The following TRPS1 variants were observed in gnomAD, a reference collection of about 807,000 sequenced individuals.
TRPS1 encodes transcriptional repressor GATA binding 1, also known as zinc finger transcription factor Trps1.
TRPS1 carries 6 observed loss-of-function variants against 101.2 expected under a neutral mutation model. The ratio of observed to expected loss-of-function variants is 0.06; its 90% CI spans 0.03 to 0.12. The LOEUF (loss-of-function observed/expected upper bound fraction) is 0.12. Ranked by LOEUF, TRPS1 falls within the 10% of genes least tolerant of loss-of-function variation. The pLI, the probability that TRPS1 is intolerant of heterozygous loss-of-function variation, is 1.00. For missense variants in TRPS1, 1,363 were observed against 1,567.0 expected (o/e 0.87, Z 2.20); for synonymous variants, 578 against 589.8 (o/e 0.98, Z 0.29).
chr8:115,510,083 C>G (rs1815544820), intron 5 of TRPS1, among the ~76,000 whole-genome samples: 1 of 151,972 alleles, frequency 6.6e-6, no homozygotes, highest in Admixed American at 6.6e-5. Context: ...AATTCTATTT[C>G]CTAAATGGAA....
intron 5 of TRPS1, among the ~76,000 whole-genome samples, chr8:115,432,446 C>A (rs1230112759): frequency 6.6e-6 from 1 of 151,360 alleles, no homozygotes; most frequent in Admixed American, 6.6e-5. Flanking sequence ...GATATACACA[C>A]ATACACCAAA....
chr8:115,561,693 C>T (rs887795113), intron 5 of TRPS1, among the ~76,000 whole-genome samples: 14 of 151,766 alleles, frequency 9.2e-5, no homozygotes, highest in African/African-American at 3.1e-4. Flanking sequence ...CAGTGTGCAT[C>T]GTCAAGCTAC....
intron 5 of TRPS1, among the ~76,000 whole-genome samples, chr8:115,465,655 C>T (rs781225760): frequency 5.9e-5 from 9 of 152,222 alleles, no homozygotes; most frequent in South Asian, 2.1e-4. Context: ...GGAACTGAAT[C>T]ACTGCACTAT....
rs71287271 is a variant in TRPS1 at position 115,409,919 on chromosome 8, CTTTTTT to C, written c.*4098_*4103del. On this transcript the variant is annotated 3_prime_UTR_variant, in exon 7 of 7. Coordinates refer to ENST00000395715, the MANE Select transcript of TRPS1 (RefSeq NM_014112.5). Reference sequence around the variant, plus strand: ...ACCAAAGACGACTTGATCTTTTTTTCTTTTTTTTTTTTTGCCATGGCTCTCAAACCA... The same window carrying C: ...ACCAAAGACGACTTGATCTTTTTTTCTTTTTTTGCCATGGCTCTCAAACCA... 5 of 143,490 alleles carry C rather than the reference CTTTTTT, an allele frequency of 3.5e-5. No homozygotes were observed. The highest frequency in any genetic ancestry group is 1.3e-4 in the African/African-American group (5 of 38,818). The allele number at this position is 143,490 out of a possible 1,614,324, so 8.9% of individuals were successfully genotyped here. A position where few individuals can be genotyped will look rare whatever the true frequency, so the allele number is the denominator to read the frequency against.
intron 1 of TRPS1, among the ~76,000 whole-genome samples, chr8:115,651,964 G>A (rs200419314): frequency 7.2e-5 from 11 of 152,294 alleles, no homozygotes; most frequent in East Asian, 1.9e-4. Flanking sequence ...AAGTACTTAC[G>A]GAGGCTGAAG....
At chr8:115,560,070 A>G (rs1816911368) in intron 5 of TRPS1, among the ~76,000 whole-genome samples, 1 of 151,932 alleles carries the variant, frequency 6.6e-6, no homozygotes, top group Non-Finnish European at 1.5e-5. Flanking sequence ...ATCCACCTTC[A>G]TGTTGCTGTT....
At chr8:115,588,444 T>C (rs1040869624) in intron 4 of TRPS1, among the ~76,000 whole-genome samples, 1 of 152,184 alleles carries the variant, frequency 6.6e-6, no homozygotes, top group Non-Finnish European at 1.5e-5. Context: ...AATATATTCA[T>C]TAAAAGGGTG....
intron 5 of TRPS1, among the ~76,000 whole-genome samples, chr8:115,585,991 A>G (rs2130440668): frequency 6.6e-6 from 1 of 152,346 alleles, no homozygotes; most frequent in Non-Finnish European, 1.5e-5. Context: ...GACATTGGGA[A>G]GAGCAATTTT....
intron 6 of TRPS1, among the ~76,000 whole-genome samples, chr8:115,417,346 T>C (rs542314749): frequency 5.9e-5 from 9 of 152,300 alleles, no homozygotes; most frequent in African/African-American, 1.9e-4. Flanking sequence ...GCAGCATGCA[T>C]TTTTTAAAGA....
intron 5 of TRPS1, among the ~76,000 whole-genome samples, chr8:115,481,829 C>T (rs909381766): frequency 8.6e-5 from 13 of 152,010 alleles, no homozygotes; most frequent in Admixed American, 5.9e-4. Flanking sequence ...CTTCAGCCTT[C>T]GATTATGAAG....
chr8:115,455,038 G>C (rs2129944411), intron 5 of TRPS1, among the ~76,000 whole-genome samples: 2 of 152,318 alleles, frequency 1.3e-5, no homozygotes, highest in South Asian at 4.1e-4. Flanking sequence ...TGTTTTCAAA[G>C]AGTTTGAGGA....
chr8:115,443,670 A>G (rs1037291955), intron 5 of TRPS1, among the ~76,000 whole-genome samples: 6 of 152,216 alleles, frequency 3.9e-5, no homozygotes, highest in Non-Finnish European at 2.9e-5. Flanking sequence ...CTTCATCTGT[A>G]TAAGCATATA....
chr8:115,611,568 C>T (rs778480821), intron 3 of TRPS1, among the ~76,000 whole-genome samples: 3 of 152,150 alleles, frequency 2.0e-5, no homozygotes, highest in Non-Finnish European at 4.4e-5. Context: ...GCCCCTAACC[C>T]AGACTGAGGA....
intron 4 of TRPS1, among the ~76,000 whole-genome samples, chr8:115,588,097 T>C (rs1048402917): frequency 3.3e-5 from 5 of 151,400 alleles, no homozygotes; most frequent in African/African-American, 1.2e-4. Context: ...AAATTGAGGA[T>C]TTTTCCCCCT....
chr8:115,464,373 T>G (rs898385653), intron 5 of TRPS1, among the ~76,000 whole-genome samples: 2 of 152,132 alleles, frequency 1.3e-5, no homozygotes, highest in Non-Finnish European at 2.9e-5. Flanking sequence ...TATTCCTGGA[T>G]AGAATTCAGT....
At chr8:115,618,036 C>T (rs1818309757) in intron 3 of TRPS1, among the ~76,000 whole-genome samples, 1 of 152,160 alleles carries the variant, frequency 6.6e-6, no homozygotes, top group African/African-American at 2.4e-5. Context: ...TTTACAACCT[C>T]TTTGCCTGCT....
At chr8:115,581,037 G>T (rs1020426062) in intron 5 of TRPS1, among the ~76,000 whole-genome samples, 1 of 151,914 alleles carries the variant, frequency 6.6e-6, no homozygotes, top group Non-Finnish European at 1.5e-5. Flanking sequence ...ACAAAATGAG[G>T]TAAATACACA....
At chr8:115,548,740 A>G (rs3808436) in intron 5 of TRPS1, among the ~76,000 whole-genome samples, 104,644 of 152,140 alleles carry the variant, frequency 0.69, 37,550 homozygotes, top group African/African-American at 0.89. Context: ...CTATAATTAA[A>G]GTTTCAGGTA....
intron 1 of TRPS1, chr8:115,668,156 C>T: frequency 3.6e-6 from 2 of 558,170 alleles, no homozygotes; most frequent in South Asian, 2.1e-5. Flanking sequence ...GGGGCTACTG[C>T]AGTTTGAAGT....
Sources: gnomAD v4.1 joint callset for allele counts (sites outside exome capture counted in the v4.1 genomes callset) on GRCh38, gnomAD v4.1.1 for gene constraint, MANE v1.5 for transcripts, NCBI Gene and HGNC (gene_info 2026-07-23, HGNC 2026-07-21) for gene names.